Variants in TNRC6B observed in about 807,000 individuals in gnomAD.
TNRC6B encodes trinucleotide repeat containing adaptor 6B.
TNRC6B carries 52 observed loss-of-function variants against 203.6 expected under a neutral mutation model. The observed-to-expected ratio is 0.26, with a 90% confidence interval of 0.20 to 0.32. The LOEUF is 0.32. TNRC6B is among the 10% of genes least tolerant of loss of function. The pLI, the probability that TNRC6B is intolerant of heterozygous loss-of-function variation, is 1.00. For missense variants in TNRC6B, 1,923 were observed against 2,286.2 expected, an observed-to-expected ratio of 0.84 and a Z score of 3.24; for synonymous variants, 838 against 845.7, an observed-to-expected ratio of 0.99 and a Z score of 0.16.
At chr22:40,154,878 T>C (rs1252985229) in intron 3 of TNRC6B, among the ~76,000 whole-genome samples, 1 of 69,752 alleles carries the variant, frequency 1.4e-5, no homozygotes, top group Admixed American at 1.8e-4. Flanking sequence ...TATATATATA[T>C]ATATATATAT....
intron 1 of TNRC6B, among the ~76,000 whole-genome samples, chr22:40,205,540 G>A (rs936174895): frequency 6.6e-5 from 10 of 152,174 alleles, no homozygotes; most frequent in Admixed American, 2.6e-4. Context: ...TCTAGGTGAA[G>A]TCCATTACTG....
chr22:40,199,325 C>T (rs1055849109), intron 1 of TNRC6B, among the ~76,000 whole-genome samples: 12 of 152,068 alleles, frequency 7.9e-5, no homozygotes, highest in African/African-American at 2.9e-4. Context: ...AGAAAAAGAG[C>T]AACTTTCCAA....
Position 40,308,551 on chromosome 22 carries a change from G to A in TNRC6B, c.4160G>A (p.Gly1387Glu), listed in dbSNP as rs1341632728. 6.2e-7 allele frequency: 1 copy of A among 1,613,858 alleles called. No homozygotes were observed. Among genetic ancestry groups the A allele is most frequent in the Non-Finnish European group, 8.5e-7 (1 of 1,179,890 alleles). The change falls in exon 16 of 23, where the codon GGG (glycine) becomes GAG (glutamate). Residue 1387 changes from glycine (G) to glutamate (E), a missense_variant. Gly to Glu is a moderately conservative substitution (Grantham distance 98). Around this residue, in one of 8 missense-constraint regions of TNRC6B, gnomAD observed 242 missense variants for 399.5 expected, o/e 0.61. Coordinates refer to ENST00000454349, the MANE Select transcript of TNRC6B (RefSeq NM_001162501.2). The stretch of plus-strand genomic sequence containing the variant: ...GGCATGGACTATGGCATGGTTGGTG[G>A]GAAGGAGGCTGGAACCGAGTCTCGC... ...SGGMDYGMVG[G>E]KEAGTESRFK... is the part of the protein sequence containing the mutation.
intron 1 of TNRC6B, among the ~76,000 whole-genome samples, chr22:40,245,215 C>T (rs1282751300): frequency 2.6e-5 from 4 of 152,008 alleles, no homozygotes; most frequent in Non-Finnish European, 5.9e-5. Context: ...CTCAGCCTCC[C>T]GAGTAGCTGG....
At chr22:40,257,674 C>T (rs1261280687) in intron 3 of TNRC6B, among the ~76,000 whole-genome samples, 1 of 151,936 alleles carries the variant, frequency 6.6e-6, no homozygotes, top group African/African-American at 2.4e-5. Context: ...CGAGATCACG[C>T]CACTGTACTC....
At chr22:40,252,541 GTATGACTAGGCGTTACTATAA>G (rs1215366663) in intron 3 of TNRC6B, among the ~76,000 whole-genome samples, 1 of 152,176 alleles carries the variant, frequency 6.6e-6, no homozygotes, top group African/African-American at 2.4e-5. Context: ...ATAAATTCTC[GTATGACTAGGCGTTACTATAA>G]TAAATTTCTA....
chr22:40,123,369 T>TAGAACAGCCAAATAGGAGAATCC (rs1487942722), intron 2 of TNRC6B, among the ~76,000 whole-genome samples: 2 of 151,858 alleles, frequency 1.3e-5, no homozygotes, highest in African/African-American at 4.8e-5. Flanking sequence ...TTAAGAAAAA[T>TAGAACAGCCAAATAGGAGAATCC]AGAACAGCCA....
chr22:40,083,284 T>C (rs2068075338), intron 1 of TNRC6B, among the ~76,000 whole-genome samples: 1 of 152,060 alleles, frequency 6.6e-6, no homozygotes, highest in South Asian at 2.1e-4. Context: ...TAATTATTGG[T>C]TGAATGAAAT....
intron 3 of TNRC6B, among the ~76,000 whole-genome samples, chr22:40,152,354 G>A (rs966838160): frequency 8.5e-5 from 13 of 152,196 alleles, no homozygotes; most frequent in African/African-American, 3.1e-4. Flanking sequence ...TTGTGATGGA[G>A]TCTTGCTCTG....
chr22:40,127,934 G>C (rs886587901), intron 3 of TNRC6B, among the ~76,000 whole-genome samples: 1 of 152,132 alleles, frequency 6.6e-6, no homozygotes, highest in African/African-American at 2.4e-5. Context: ...AGGTATAATT[G>C]GGAGATTGCT....
intron 1 of TNRC6B, among the ~76,000 whole-genome samples, chr22:40,233,777 T>C (rs2069911326): frequency 6.6e-6 from 1 of 152,228 alleles, no homozygotes; most frequent in Admixed American, 6.5e-5. Context: ...TTTCATGGAT[T>C]CTGAGCCTCA....
intron 1 of TNRC6B, among the ~76,000 whole-genome samples, chr22:40,190,517 G>A (rs2069257449): frequency 6.6e-6 from 1 of 152,120 alleles, no homozygotes; most frequent in African/African-American, 2.4e-5. Context: ...TAATTTTTAT[G>A]TCCATCATCT....
intron 1 of TNRC6B, among the ~76,000 whole-genome samples, chr22:40,092,401 CAAAA>C (rs552880025): frequency 8.9e-6 from 1 of 112,776 alleles, no homozygotes; most frequent in African/African-American, 3.2e-5. Flanking sequence ...GACTCTGTCT[CAAAA>C]AAAAAAAAAC....
At chr22:40,101,702 G>A (rs563122387) in intron 1 of TNRC6B, among the ~76,000 whole-genome samples, 6 of 152,258 alleles carry the variant, frequency 3.9e-5, no homozygotes, top group African/African-American at 1.4e-4. Flanking sequence ...GTGGGACAAA[G>A]GACAGGAAGC....
rs71199273 is a variant in TNRC6B at position 40,154,860 on chromosome 22, AATATATATATATATATATAT to A, written c.46-1239_46-1220del. On this transcript the variant is annotated intron_variant, in intron 3 of 23. Transcript: ENST00000301923. ...TATCTCAAAAAAAAAAAAAAAAAAA[AATATATATATATATATATAT>A]ATATATATATATATACATATATATA... Among the ~76,000 whole-genome samples the A allele has an allele frequency of 2.5e-4, 6 of 23,590 alleles. No individual in the cohort carries two copies. In the East Asian group the frequency reaches 4.9e-3, roughly 19 times the overall value. The allele number at this position is 23,590 out of a possible 152,430, so 15.5% of individuals were successfully genotyped here.
intron 1 of TNRC6B, among the ~76,000 whole-genome samples, chr22:40,057,978 T>G (rs114996344): frequency 0.013 from 1,994 of 152,360 alleles, 49 homozygotes; most frequent in African/African-American, 0.045. Flanking sequence ...ATCTACTCTT[T>G]AGTCAATTTT....
intron 11 of TNRC6B, among the ~76,000 whole-genome samples, chr22:40,284,226 A>T (rs780936053): frequency 3.9e-5 from 6 of 152,232 alleles, no homozygotes; most frequent in Non-Finnish European, 8.8e-5. Flanking sequence ...ACAGATTTTA[A>T]TTGCCATTTC....
Position 40,074,652 on chromosome 22 carries a change from G to A in TNRC6B, c.-121+29654G>A, listed in dbSNP as rs1178273207. ...AAATTAGCCAGGCGTGGTGGTGGGCGCCTATAGTCCCAGCTACCTGGGAGG... is the reference window on the plus strand; with the variant it reads ...AAATTAGCCAGGCGTGGTGGTGGGCACCTATAGTCCCAGCTACCTGGGAGG... On this transcript the variant is annotated intron_variant, in intron 1 of 23. Transcript: ENST00000301923. Among the ~76,000 whole-genome samples, 4 of 152,014 alleles carry A rather than the reference G, an allele frequency of 2.6e-5. No individual in the cohort carries two copies. In the East Asian group the frequency reaches 5.8e-4, roughly 22 times the overall value.
At chr22:40,094,679 C>T (rs1232908831) in intron 1 of TNRC6B, among the ~76,000 whole-genome samples, 1 of 152,190 alleles carries the variant, frequency 6.6e-6, no homozygotes, top group Non-Finnish European at 1.5e-5. Flanking sequence ...GTGGCTGTTA[C>T]TTAAACGAAA....
Sources: allele counts gnomAD v4.1 joint callset (sites outside exome capture counted in the v4.1 genomes callset), GRCh38; gene constraint gnomAD v4.1.1; regional missense constraint gnomAD v4.1.1; transcripts MANE v1.5; gene names NCBI Gene and HGNC (gene_info 2026-07-23, HGNC 2026-07-21).